Variants in PIP5K1B observed in about 807,000 individuals in gnomAD.
PIP5K1B encodes the protein phosphatidylinositol-4-phosphate 5-kinase type 1 beta, also known as phosphatidylinositol 4-phosphate 5-kinase type-1 beta.
PIP5K1B carries 42 observed loss-of-function variants against 67.0 expected under a neutral mutation model. The ratio of observed to expected loss-of-function variants is 0.63; its 90% confidence interval spans 0.49 to 0.81. PIP5K1B has a LOEUF of 0.81. Among genes scored for constraint, PIP5K1B ranks in the 30% least tolerant of loss-of-function variants. The probability of loss-of-function intolerance (pLI) is 0.00; values close to 1 mark genes in which losing one functional copy is unlikely to be tolerated. For synonymous variants in PIP5K1B, 214 were observed against 231.4 expected, an observed-to-expected ratio of 0.92 and a Z score of 0.68; for missense variants, 459 against 646.3, an observed-to-expected ratio of 0.71 and a Z score of 3.14.
At chr9:68,747,865 A>G (rs1384065850) in intron 2 of PIP5K1B, among the ~76,000 whole-genome samples, 8 of 152,198 alleles carry the variant, frequency 5.3e-5, no homozygotes, top group Admixed American at 5.2e-4. Context: ...TGGATTGTCT[A>G]CCCCAGAGTT....
chr9:68,717,923 A>G (rs1827708773), intron 1 of PIP5K1B, among the ~76,000 whole-genome samples: 1 of 152,106 alleles, frequency 6.6e-6, no homozygotes, highest in African/African-American at 2.4e-5. Flanking sequence ...CCCAACTCCA[A>G]CTTCCACCAT....
At chr9:68,818,261 C>T (rs1421185527) in intron 2 of PIP5K1B, among the ~76,000 whole-genome samples, 200 bp from the exon 3 acceptor site, 1 of 152,222 alleles carries the variant, frequency 6.6e-6, no homozygotes, top group East Asian at 1.9e-4. Context: ...ATACCAGACT[C>T]TGTGGCTTAT....
chr9:68,952,483 C>T (rs542884252), intron 14 of PIP5K1B, among the ~76,000 whole-genome samples: 3 of 152,292 alleles, frequency 2.0e-5, no homozygotes, highest in East Asian at 3.9e-4. Flanking sequence ...TTCCTCTTTG[C>T]TTCTTCCTCT....
chr9:68,827,588 G>A (rs1834055356), intron 4 of PIP5K1B, among the ~76,000 whole-genome samples: 2 of 152,222 alleles, frequency 1.3e-5, no homozygotes, highest in South Asian at 4.1e-4. Flanking sequence ...CAGTGGCAGA[G>A]CACAAGTTGT....
intron 8 of PIP5K1B, among the ~76,000 whole-genome samples, chr9:68,912,781 G>A (rs1825915356): frequency 6.6e-6 from 1 of 152,182 alleles, no homozygotes; most frequent in Non-Finnish European, 1.5e-5. Context: ...TAAGACAGAA[G>A]ATAGTTTGCA....
chr9:68,888,951 G>C, intron 6 of PIP5K1B, 30 bp from the exon 7 acceptor site: 1 of 1,504,810 alleles, frequency 6.6e-7, no homozygotes, highest in Non-Finnish European at 9.2e-7. Flanking sequence ...TCAAGTATAT[G>C]TTTTAATGTT....
intron 2 of PIP5K1B, among the ~76,000 whole-genome samples, chr9:68,817,446 G>T (rs932077522): frequency 1.3e-5 from 2 of 152,194 alleles, no homozygotes; most frequent in Non-Finnish European, 2.9e-5. Context: ...GTTTATTCCT[G>T]CTCTGGTTAA....
intron 2 of PIP5K1B, among the ~76,000 whole-genome samples, chr9:68,813,421 C>A (rs1324261275): frequency 3.9e-5 from 6 of 152,082 alleles, no homozygotes; most frequent in Non-Finnish European, 8.8e-5. Flanking sequence ...AAAAATATTC[C>A]AAGTATCTCT....
chr9:68,910,041 T>C (rs1487777997), intron 8 of PIP5K1B, among the ~76,000 whole-genome samples: 6 of 152,170 alleles, frequency 3.9e-5, no homozygotes, highest in East Asian at 1.9e-4. Context: ...CCTTGAGATG[T>C]GTTCCATCTT....
chr9:68,979,848 G>A (rs1829812818), intron 14 of PIP5K1B, among the ~76,000 whole-genome samples: 1 of 152,160 alleles, frequency 6.6e-6, no homozygotes, highest in Non-Finnish European at 1.5e-5. Flanking sequence ...CAGTCTCCTT[G>A]TCTAAAAATA....
At position 68,859,686 on chromosome 9, in the gene PIP5K1B, G is replaced by A. The variant is rs142485784; in HGVS notation, c.70-4151G>A. On this transcript the variant is annotated intron_variant, in intron 4 of 15. Coordinates refer to ENST00000265382, the MANE Select transcript of PIP5K1B (RefSeq NM_003558.4). ...CTGGAGGAAGGAAGGGAGCTCTGGCGGCTTAGAGTTTTCAGGGAAAGGACT... is the reference window on the plus strand; with the variant it reads ...CTGGAGGAAGGAAGGGAGCTCTGGCAGCTTAGAGTTTTCAGGGAAAGGACT... Among the ~76,000 whole-genome samples the A allele has an allele frequency of 7.7e-3, 1,169 of 152,206 alleles. 11 individuals are homozygous for A. Among genetic ancestry groups the A allele is most frequent in the African/African-American group, 0.026 (1,075 of 41,528 alleles).
intron 1 of PIP5K1B, among the ~76,000 whole-genome samples, chr9:68,715,523 AAGG>A (rs1186494210): frequency 6.6e-6 from 1 of 152,156 alleles, no homozygotes; most frequent in Non-Finnish European, 1.5e-5. Context: ...TTACTTTTGA[AAGG>A]AGGCCTTGGC....
chr9:68,729,335 T>C (rs1462269967), intron 1 of PIP5K1B, among the ~76,000 whole-genome samples: 1 of 152,150 alleles, frequency 6.6e-6, no homozygotes, highest in Admixed American at 6.5e-5. Context: ...AATCACTGAT[T>C]ATTGAAGAGT....
chr9:68,885,913 G>A (rs1824446046), intron 6 of PIP5K1B, among the ~76,000 whole-genome samples: 1 of 152,210 alleles, frequency 6.6e-6, no homozygotes, highest in Non-Finnish European at 1.5e-5. Flanking sequence ...CAGGTGCGGT[G>A]GCTCACGCCT....
rs1361785033 is a variant in PIP5K1B, at chr9:68,899,621, T to A, written c.771+4983T>A. Among the ~76,000 whole-genome samples the A allele has an allele frequency of 2.6e-5, 4 of 152,248 alleles. No homozygotes were observed. The East Asian group carries it at 7.7e-4, about 29-fold the overall frequency. ...TGAGAATTTAATAAAGTAGATTATC[T>A]CCATTTTGAATCACTTGGGATTATT... On this transcript the variant is annotated intron_variant, in intron 8 of 15. Transcript: ENST00000265382.
intron 13 of PIP5K1B, among the ~76,000 whole-genome samples, chr9:68,938,985 G>A (rs143933428): frequency 3.8e-3 from 583 of 152,326 alleles, no homozygotes; most frequent in African/African-American, 0.013. Flanking sequence ...CTAACTCAGT[G>A]TTAGCCAACT....
At chr9:68,833,559 C>T (rs1330397560) in intron 4 of PIP5K1B, among the ~76,000 whole-genome samples, 3 of 152,092 alleles carry the variant, frequency 2.0e-5, no homozygotes, top group Non-Finnish European at 4.4e-5. Context: ...GCCAGGGACA[C>T]TGCCCCCCCA....
intron 2 of PIP5K1B, chr9:68,780,922 C>A: frequency 1.2e-6 from 2 of 1,614,066 alleles, no homozygotes; most frequent in Non-Finnish European, 1.7e-6. Flanking sequence ...AGTGCCGGAT[C>A]TTCTTGTAAC....
intron 14 of PIP5K1B, 80 bp downstream of exon 14, chr9:68,940,870 G>A: frequency 2.3e-6 from 3 of 1,294,492 alleles, no homozygotes; most frequent in Non-Finnish European, 3.4e-6. Context: ...TCTGAATGAG[G>A]ACACGTCTCT....
Sources: gnomAD v4.1 joint callset for allele counts (sites outside exome capture counted in the v4.1 genomes callset) on GRCh38, gnomAD v4.1.1 for gene constraint, MANE v1.5 for transcripts, NCBI Gene and HGNC (gene_info 2026-07-23, HGNC 2026-07-21) for gene names.